The following CLTCL1 variants were observed in gnomAD, a reference collection of about 807,000 sequenced individuals.
CLTCL1 encodes clathrin heavy chain 2.
Under a neutral mutation model 190.0 loss-of-function variants are expected in CLTCL1, and 159 were observed. The observed-to-expected ratio is 0.84, with a 90% CI of 0.74 to 0.95. The LOEUF is 0.95. Ranked by LOEUF, CLTCL1 falls within the 40% of genes least tolerant of loss-of-function variation. The pLI, the probability that CLTCL1 is intolerant of heterozygous loss-of-function variation, is 0.00. For synonymous variants in CLTCL1, 752 were observed against 769.6 expected, an observed-to-expected ratio of 0.98 and a Z score of 0.38; for missense variants, 1,878 against 2,033.4, an observed-to-expected ratio of 0.92 and a Z score of 1.47.
At chr22:19,254,274 T>A in intron 2 of CLTCL1, 47 bp from the exon 3 acceptor site, 1 of 1,500,236 alleles carries the variant, frequency 6.7e-7, no homozygotes, top group Non-Finnish European at 9.1e-7. Context: ...ATTAAAAATC[T>A]GAAAGACAAA....
chr22:19,193,562 CCCTGTTTTATA>C (rs1319265689), intron 26 of CLTCL1, among the ~76,000 whole-genome samples: 5 of 152,240 alleles, frequency 3.3e-5, no homozygotes, highest in African/African-American at 1.2e-4. Flanking sequence ...ATGGTAGTAT[CCCTGTTTTATA>C]CAAGGGAAAA....
chr22:19,219,703 T>C (rs564820899), intron 18 of CLTCL1, among the ~76,000 whole-genome samples, 182 bp downstream of exon 18: 1 of 152,170 alleles, frequency 6.6e-6, no homozygotes, highest in South Asian at 2.1e-4. Context: ...AGGCTGGTCT[T>C]GAATTCCTGA....
intron 18 of CLTCL1, among the ~76,000 whole-genome samples, chr22:19,217,533 G>A (rs1276269103): frequency 2.0e-5 from 3 of 147,412 alleles, no homozygotes; most frequent in African/African-American, 5.0e-5. Context: ...GAAGAATGGC[G>A]GGAACCCGGA....
At chr22:19,211,538 G>C (rs1189279078) in intron 19 of CLTCL1, among the ~76,000 whole-genome samples, 3 of 152,016 alleles carry the variant, frequency 2.0e-5, no homozygotes, top group African/African-American at 7.3e-5. Flanking sequence ...GGAGGCTGAG[G>C]CGGGTGGATC....
intron 3 of CLTCL1, among the ~76,000 whole-genome samples, chr22:19,248,299 A>G (rs1393525823): frequency 6.7e-6 from 1 of 149,962 alleles, no homozygotes; most frequent in African/African-American, 2.4e-5. Flanking sequence ...CTCGGTCTCA[A>G]AAAAAAAAAA....
intron 22 of CLTCL1, 34 bp downstream of exon 22, chr22:19,208,120 T>G: frequency 6.2e-7 from 1 of 1,613,398 alleles, no homozygotes; most frequent in Non-Finnish European, 8.5e-7. Context: ...TAAATCTGAC[T>G]GGCAGTGCAC....
At chr22:19,195,085 G>A (rs1248619562) in intron 26 of CLTCL1, among the ~76,000 whole-genome samples, 1 of 152,116 alleles carries the variant, frequency 6.6e-6, no homozygotes, top group Non-Finnish European at 1.5e-5. Context: ...CTTCCACCAC[G>A]GCTCAGCAAT....
chr22:19,260,929 A>AG (rs1357523221), intron 2 of CLTCL1, among the ~76,000 whole-genome samples: 4 of 150,376 alleles, frequency 2.7e-5, no homozygotes, highest in African/African-American at 9.8e-5. Context: ...TCTACTGATC[A>AG]GAAAAAAAAA....
chr22:19,249,096 T>C (rs915405307), intron 3 of CLTCL1, among the ~76,000 whole-genome samples: 29 of 152,254 alleles, frequency 1.9e-4, no homozygotes, highest in African/African-American at 5.5e-4. Context: ...CAAATGATCA[T>C]GCCTATAATC....
At chr22:19,259,157 G>A (rs1272881664) in intron 2 of CLTCL1, among the ~76,000 whole-genome samples, 1 of 152,154 alleles carries the variant, frequency 6.6e-6, no homozygotes, top group African/African-American at 2.4e-5. Context: ...CCAGGCTGGA[G>A]TGCAATGGCA....
chr22:19,252,087 C>T lies in CLTCL1; in HGVS notation c.519+1872G>A, dbSNP rs782710767. On this transcript the variant is annotated intron_variant, in intron 3 of 32. Coordinates refer to ENST00000427926, the MANE Select transcript of CLTCL1 (RefSeq NM_007098.4). Reference sequence around the variant, plus strand: ...AATGGAAGTACTCCTTCCCTGTTTGCGTATTCTTAACCTTTCTCATACATG... The same window carrying T: ...AATGGAAGTACTCCTTCCCTGTTTGTGTATTCTTAACCTTTCTCATACATG... Among the ~76,000 whole-genome samples, 10 of 152,158 alleles carry T rather than the reference C, an allele frequency of 6.6e-5. No individual in the cohort carries two copies. The East Asian group carries it at 9.6e-4, about 15-fold the overall frequency.
At chr22:19,196,709 C>A in intron 24 of CLTCL1, 53 bp from the exon 25 acceptor site, 1 of 1,566,962 alleles carries the variant, frequency 6.4e-7, no homozygotes, top group Admixed American at 1.8e-5. Flanking sequence ...CCTCCTGCAG[C>A]CACCCTCCAG....
rs1569172009 is a variant in CLTCL1 at position 19,208,915 on chromosome 22, C to G, written c.3442+7G>C. On this transcript the variant is annotated splice_region_variant and intron_variant, in intron 21 of 32. Transcript: ENST00000427926. The stretch of plus-strand genomic sequence containing the variant: ...TGCAGAGCCCTAGGGAGAGGGGACT[C>G]ACTTACTGCTCCTGCTGGCTGACTG... 3 of 1,598,316 alleles carry G rather than the reference C, an allele frequency of 1.9e-6. No individual in the cohort carries two copies. Among genetic ancestry groups the G allele is most frequent in the Non-Finnish European group, 1.7e-6 (2 of 1,171,906 alleles).
At chr22:19,249,038 A>G (rs2086507423) in intron 3 of CLTCL1, among the ~76,000 whole-genome samples, 1 of 152,172 alleles carries the variant, frequency 6.6e-6, no homozygotes, top group Non-Finnish European at 1.5e-5. Context: ...TCAAAAATCA[A>G]TTGACCACAA....
chr22:19,241,008 C>A (rs933404624), intron 4 of CLTCL1, among the ~76,000 whole-genome samples: 1 of 152,186 alleles, frequency 6.6e-6, no homozygotes, highest in African/African-American at 2.4e-5. Context: ...ACAGGCGGGG[C>A]GGGCACCCTC....
At chr22:19,214,550 A>G (rs1479219424) in intron 19 of CLTCL1, among the ~76,000 whole-genome samples, 1 of 152,130 alleles carries the variant, frequency 6.6e-6, no homozygotes, top group Non-Finnish European at 1.5e-5. Flanking sequence ...TAAAGTGCTT[A>G]AGTTTAATAC....
chr22:19,239,310 G>C lies in CLTCL1; in HGVS notation c.760C>G (p.Pro254Ala). Reference sequence around the variant, plus strand: ...ACTGGAAAATCATTCTGTGCCTCTGGAGGAAAAAACACATCTACTGCTTTC... The same window carrying C: ...ACTGGAAAATCATTCTGTGCCTCTGCAGGAAAAAACACATCTACTGCTTTC... ...VKKAVDVFFP[P>A]EAQNDFPVAM... The change falls in exon 5 of 33, where the codon CCA (proline) becomes GCA (alanine). Residue 254 changes from proline (P) to alanine (A), a missense_variant. Transcript: ENST00000427926. 1 of 1,613,932 alleles carries C rather than the reference G, an allele frequency of 6.2e-7. No individual in the cohort carries two copies. Among genetic ancestry groups the C allele is most frequent in the Non-Finnish European group, 8.5e-7 (1 of 1,179,836 alleles).
intron 23 of CLTCL1, among the ~76,000 whole-genome samples, chr22:19,200,757 G>A (rs1187775841): frequency 2.0e-5 from 3 of 152,208 alleles, no homozygotes; most frequent in African/African-American, 7.2e-5. Flanking sequence ...CAGGAGAATG[G>A]TGTGAACCCG....
chr22:19,196,184 A>G (rs2084696953), intron 26 of CLTCL1, 82 bp downstream of exon 26: 6 of 1,433,744 alleles, frequency 4.2e-6, no homozygotes, highest in Non-Finnish European at 5.7e-6. Flanking sequence ...TACTCATTCC[A>G]CTCCCACCTG....
Sources: gnomAD v4.1 joint callset for allele counts (sites outside exome capture counted in the v4.1 genomes callset) on GRCh38, gnomAD v4.1.1 for gene constraint, MANE v1.5 for transcripts, NCBI Gene and HGNC (gene_info 2026-07-23, HGNC 2026-07-21) for gene names.